ZNF69: variants seen among roughly 807,000 people sequenced by gnomAD.
The protein encoded by ZNF69 is zinc finger protein 69, also known as ZNF3.
A neutral mutation model predicts 50.9 loss-of-function variants in ZNF69; 47 were observed. The observed-to-expected ratio is 0.92, with a 90% CI of 0.73 to 1.18. ZNF69 has a LOEUF of 1.18. ZNF69 is among the 50% of genes most tolerant of loss of function. ZNF69 has a pLI of 0.00. For synonymous variants in ZNF69, 216 were observed against 223.1 expected, an observed-to-expected ratio of 0.97 and a Z score of 0.29; for missense variants, 717 against 675.1, an observed-to-expected ratio of 1.06 and a Z score of -0.69.
chr19:11,956,466 C>A, the ZNF69 span: 1 of 397,434 alleles, frequency 2.5e-6, no homozygotes, highest in South Asian at 1.3e-4. Context: ...GAGATTTTGC[C>A]GGATTCTTCA....
At chr19:11,973,267 C>T in the ZNF69 span, among the ~76,000 whole-genome samples, 2 of 152,142 alleles carry the variant, frequency 1.3e-5, no homozygotes. Flanking sequence ...TTGCATTTTC[C>T]AGAATATCAC....
the ZNF69 span, among the ~76,000 whole-genome samples, chr19:11,941,593 C>T: frequency 2.0e-3 from 312 of 152,314 alleles, 2 homozygotes; most frequent in African/African-American, 6.9e-3. Flanking sequence ...GCTCCGAGTG[C>T]GGGGCCGCCA....
chr19:11,961,958 C>CACACACACAT, the ZNF69 span, among the ~76,000 whole-genome samples: 2 of 144,838 alleles, frequency 1.4e-5, no homozygotes, highest in African/African-American at 2.7e-5. Flanking sequence ...CACACACACA[C>CACACACACAT]ATATATATTG....
the ZNF69 span, chr19:11,979,385 A>C: frequency 6.2e-7 from 1 of 1,611,920 alleles, no homozygotes; most frequent in Non-Finnish European, 8.5e-7. Context: ...GAAAGCCTTC[A>C]GATCTGCCTC....
chr19:11,979,394 TCA>T, the ZNF69 span: 2 of 1,602,738 alleles, frequency 1.2e-6, no homozygotes, highest in South Asian at 1.1e-5. Context: ...CAGATCTGCC[TCA>T]CACCTTCAAA....
At chr19:11,927,082 A>G in the ZNF69 span, among the ~76,000 whole-genome samples, 2 of 152,164 alleles carry the variant, frequency 1.3e-5, no homozygotes, top group Non-Finnish European at 2.9e-5. Flanking sequence ...GGCCAGCATG[A>G]TGGCTTAGGC....
the ZNF69 span, chr19:11,925,127 G>A: frequency 6.5e-7 from 1 of 1,537,186 alleles, no homozygotes; most frequent in Non-Finnish European, 8.9e-7. Context: ...CTCGCTGCGC[G>A]GGCGGCGGTT....
At chr19:11,936,531 G>T in the ZNF69 span, among the ~76,000 whole-genome samples, 2 of 152,202 alleles carry the variant, frequency 1.3e-5, no homozygotes, top group Non-Finnish European at 2.9e-5. Flanking sequence ...TTTTTGATGG[G>T]GTTGTTTGTT....
the ZNF69 span, among the ~76,000 whole-genome samples, chr19:11,928,838 G>T: frequency 6.8e-6 from 1 of 147,708 alleles, no homozygotes; most frequent in East Asian, 1.9e-4. Flanking sequence ...CCAGCACTGT[G>T]GGAAGCCAAG....
the ZNF69 span, among the ~76,000 whole-genome samples, chr19:11,929,686 C>G: frequency 6.8e-5 from 10 of 148,044 alleles, 1 homozygote; most frequent in African/African-American, 2.6e-4. Flanking sequence ...TCCACACTTT[C>G]CAGGGCAACT....
chr19:11,978,568 A>G, the ZNF69 span: 12 of 1,614,210 alleles, frequency 7.4e-6, no homozygotes, highest in South Asian at 1.1e-5. Flanking sequence ...CTCAGATTAT[A>G]TCTTATCCAT....
chr19:11,940,431 C>T, the ZNF69 span, among the ~76,000 whole-genome samples: 3 of 152,026 alleles, frequency 2.0e-5, no homozygotes, highest in East Asian at 1.9e-4. Context: ...TTTGTGGTCT[C>T]GCTGGCTCAG....
chr19:11,907,264 A>G (rs889830290), downstream of ZNF69, among the ~76,000 whole-genome samples: 1 of 152,248 alleles, frequency 6.6e-6, no homozygotes, highest in African/African-American at 2.4e-5. Flanking sequence ...GATATTATTC[A>G]GGAGAACTTC....
downstream of ZNF69, among the ~76,000 whole-genome samples, chr19:11,909,713 T>A (rs1258701216): frequency 6.6e-6 from 1 of 152,114 alleles, no homozygotes; most frequent in Non-Finnish European, 1.5e-5. Flanking sequence ...GTCAATATCA[T>A]ATACTGAATG....
the ZNF69 span, among the ~76,000 whole-genome samples, chr19:11,951,093 G>GTGAGCA: frequency 6.9e-5 from 10 of 144,766 alleles, no homozygotes; most frequent in African/African-American, 2.6e-4. Flanking sequence ...GGAGGTTGCA[G>GTGAGCA]TGAGCAGAGA....
chr19:11,887,835 G>A lies in ZNF69; in HGVS notation c.-89G>A, dbSNP rs1976983355. 8.1e-7 allele frequency: 1 copy of A among 1,234,720 alleles called. No individual in the cohort carries two copies. The highest frequency in any genetic ancestry group is 1.2e-6 in the Non-Finnish European group (1 of 858,764). 76.5% of individuals were successfully genotyped at this position (1,234,720 alleles called of 1,614,324 possible). On this transcript the variant is annotated 5_prime_UTR_variant, in exon 1 of 4. Coordinates refer to ENST00000429654, the MANE Select transcript of ZNF69 (RefSeq NM_001364730.1). ...CATTCCTTACCTCACCTTTGTCCCT[G>A]CGCGGGCTGCGGCTGGGATCCGGTC... is the stretch of plus-strand genomic sequence containing the variant.
chr19:11,967,698 C>T, the ZNF69 span, among the ~76,000 whole-genome samples: 100 of 151,944 alleles, frequency 6.6e-4, no homozygotes, highest in Non-Finnish European at 9.9e-4. Flanking sequence ...CCACCATGTC[C>T]GGCCCCTGTC....
the ZNF69 span, among the ~76,000 whole-genome samples, chr19:11,935,602 C>T: frequency 6.6e-6 from 1 of 151,964 alleles, no homozygotes; most frequent in African/African-American, 2.4e-5. Flanking sequence ...CTTTTGGATA[C>T]CAGTCCATCA....
Position 11,905,399 on chromosome 19 carries a change from T to A in ZNF69, c.1002T>A (p.Cys334Ter). ...RTHSRKKPYE[C>*]TQCGKALSSL... is the part of the protein sequence containing the mutation. ...ACTCTAGGAAAAAACCCTATGAATG[T>A]ACGCAGTGTGGGAAAGCATTATCCT... Residue 334 changes from cysteine (C) to a stop codon, truncating the protein, a stop_gained, in exon 4 of 4, where the codon TGT (cysteine) becomes TGA (stop). Transcript: ENST00000429654. LOFTEE classifies it high-confidence loss of function. 1 of 1,614,186 alleles carries A rather than the reference T, an allele frequency of 6.2e-7. No homozygotes were observed. The highest frequency in any genetic ancestry group is 8.5e-7 in the Non-Finnish European group (1 of 1,180,030).
Sources: allele counts gnomAD v4.1 joint callset (sites outside exome capture counted in the v4.1 genomes callset), GRCh38; gene constraint gnomAD v4.1.1; transcripts MANE v1.5; gene names NCBI Gene and HGNC (gene_info 2026-07-23, HGNC 2026-07-21).